The following AUTS2 variants were observed in gnomAD, a reference collection of about 807,000 sequenced individuals.
The protein encoded by AUTS2 is autism susceptibility gene 2 protein.
AUTS2 carries 17 observed loss-of-function variants against 112.4 expected under a neutral mutation model. The ratio of observed to expected loss-of-function variants is 0.15; its 90% CI spans 0.10 to 0.23. The LOEUF (loss-of-function observed/expected upper bound fraction) is 0.23, where lower values mean the gene tolerates loss of function less well. Ranked by LOEUF, AUTS2 falls within the 10% of genes least tolerant of loss-of-function variation. AUTS2 has a pLI of 1.00. For missense variants in AUTS2, 1,510 were observed against 1,701.6 expected (o/e 0.89, Z 1.98); for synonymous variants, 751 against 702.7 (o/e 1.07, Z -1.09).
At chr7:69,978,923 C>T (rs536727599) in intron 2 of AUTS2, among the ~76,000 whole-genome samples, 1 of 151,806 alleles carries the variant, frequency 6.6e-6, no homozygotes, top group African/African-American at 2.4e-5. Flanking sequence ...CACACACACG[C>T]ACACACACCC....
chr7:69,861,597 A>T (rs1435975940), intron 1 of AUTS2, among the ~76,000 whole-genome samples: 1 of 152,222 alleles, frequency 6.6e-6, no homozygotes, highest in East Asian at 1.9e-4. Context: ...TTCTGTTCCC[A>T]GTGTAGTAAA....
At chr7:70,158,506 G>A (rs764894874) in intron 4 of AUTS2, among the ~76,000 whole-genome samples, 8 of 152,198 alleles carry the variant, frequency 5.3e-5, no homozygotes, top group Non-Finnish European at 1.0e-4. Context: ...AACCAAGTGA[G>A]TGCTGGTACA....
intron 2 of AUTS2, among the ~76,000 whole-genome samples, chr7:70,016,084 T>C (rs1276352035): frequency 6.6e-6 from 1 of 152,108 alleles, no homozygotes; most frequent in Non-Finnish European, 1.5e-5. Flanking sequence ...AATCTCGGGA[T>C]ATCAAGAAAA....
At chr7:69,764,892 A>G (rs1788353208) in intron 1 of AUTS2, among the ~76,000 whole-genome samples, 1 of 152,178 alleles carries the variant, frequency 6.6e-6, no homozygotes, top group Non-Finnish European at 1.5e-5. Context: ...GGCCTGTGGA[A>G]CCAGGCTTAG....
At chr7:70,034,284 C>A (rs1030558253) in intron 2 of AUTS2, among the ~76,000 whole-genome samples, 2 of 152,112 alleles carry the variant, frequency 1.3e-5, no homozygotes, top group East Asian at 3.9e-4. Context: ...CTGTCTCTTC[C>A]CATGTTACAT....
chr7:70,489,227 T>C (rs541911531), intron 5 of AUTS2, among the ~76,000 whole-genome samples: 2 of 152,138 alleles, frequency 1.3e-5, no homozygotes, highest in Non-Finnish European at 2.9e-5. Flanking sequence ...AAAACACAAA[T>C]GCGGTTCTGC....
intron 6 of AUTS2, among the ~76,000 whole-genome samples, chr7:70,744,624 C>T (rs762001567): frequency 5.3e-4 from 81 of 152,266 alleles, no homozygotes; most frequent in Non-Finnish European, 9.1e-4. Flanking sequence ...GGGCGCATGC[C>T]GTTGTCAGAC....
chr7:70,086,417 G>A (rs1257823035), intron 2 of AUTS2, among the ~76,000 whole-genome samples: 1 of 152,102 alleles, frequency 6.6e-6, no homozygotes, highest in Non-Finnish European at 1.5e-5. Flanking sequence ...TGAGGCAGGT[G>A]GATCACCTGA....
At chr7:70,299,273 C>T (rs1562861638) in intron 4 of AUTS2, among the ~76,000 whole-genome samples, 1 of 152,160 alleles carries the variant, frequency 6.6e-6, no homozygotes, top group Non-Finnish European at 1.5e-5. Context: ...GGTCATCTTA[C>T]CTACAATCTC....
At chr7:70,786,126 A>C in intron 17 of AUTS2, 88 bp downstream of exon 17, 1 of 1,181,840 alleles carries the variant, frequency 8.5e-7, no homozygotes, top group Non-Finnish European at 1.2e-6. Flanking sequence ...AGAGAAAAGG[A>C]AACTATGCTC....
rs78721709 is a variant in AUTS2, at chr7:70,256,671, C to T, written c.660+122100C>T. On this transcript the variant is annotated intron_variant, in intron 4 of 18. Transcript: ENST00000342771. ...TTGTACTTACTGTGATCTTAGGGCT[C>T]GCATTTTTAGGGACAACTTGCCCTT... 6.0e-3 allele frequency among the ~76,000 whole-genome samples: 913 copies of T among 152,258 alleles called. 8 individuals carry two copies. The highest frequency in any genetic ancestry group is 0.02 in the African/African-American group (849 of 41,552).
At chr7:70,280,284 C>CTT (rs530905531) in intron 4 of AUTS2, among the ~76,000 whole-genome samples, 11 of 135,528 alleles carry the variant, frequency 8.1e-5, no homozygotes, top group African/African-American at 1.6e-4. Flanking sequence ...TTCTTTCTTT[C>CTT]TTTTTTTTTT....
chr7:69,773,057 T>C (rs543624970), intron 1 of AUTS2, among the ~76,000 whole-genome samples: 1 of 152,320 alleles, frequency 6.6e-6, no homozygotes, highest in South Asian at 2.1e-4. Context: ...CAGCCAGCTT[T>C]TGAATCCCAG....
chr7:70,480,523 A>G (rs778683358), intron 5 of AUTS2, among the ~76,000 whole-genome samples: 3 of 152,146 alleles, frequency 2.0e-5, no homozygotes, highest in South Asian at 2.1e-4. Context: ...GGAGGGACCA[A>G]TCCATAAGGG....
At chr7:70,125,245 A>ATGTGTG (rs59747508) in intron 3 of AUTS2, among the ~76,000 whole-genome samples, 335 of 144,904 alleles carry the variant, frequency 2.3e-3, no homozygotes, top group African/African-American at 4.9e-3. Context: ...TTATTTGGAG[A>ATGTGTG]TGTGTGTGTG....
At chr7:69,848,442 T>A (rs867508423) in intron 1 of AUTS2, among the ~76,000 whole-genome samples, 35 of 152,202 alleles carry the variant, frequency 2.3e-4, no homozygotes, top group African/African-American at 7.0e-4. Context: ...GGGAATTAAA[T>A]GTTTGTTCTC....
chr7:69,823,998 T>A (rs1448712362), intron 1 of AUTS2, among the ~76,000 whole-genome samples: 1 of 152,194 alleles, frequency 6.6e-6, no homozygotes, highest in East Asian at 1.9e-4. Flanking sequence ...TTTTTTCATC[T>A]ATAAAATAGG....
At chr7:70,498,964 G>A (rs138074168) in intron 5 of AUTS2, among the ~76,000 whole-genome samples, 45 of 152,304 alleles carry the variant, frequency 3.0e-4, no homozygotes, top group African/African-American at 9.4e-4. Context: ...GGGCTGGACC[G>A]AACCTTTGTG....
chr7:69,928,423 G>A (rs1321429474), intron 2 of AUTS2, among the ~76,000 whole-genome samples: 3 of 152,152 alleles, frequency 2.0e-5, no homozygotes, highest in Non-Finnish European at 4.4e-5. Flanking sequence ...GCCTCCTGCC[G>A]TGATCAACAT....
Sources: allele counts gnomAD v4.1 joint callset (sites outside exome capture counted in the v4.1 genomes callset), GRCh38; gene constraint gnomAD v4.1.1; transcripts MANE v1.5; gene names NCBI Gene and HGNC (gene_info 2026-07-23, HGNC 2026-07-21).